The following GATA3 variants were observed in gnomAD, a reference collection of about 807,000 sequenced individuals.
GATA3 encodes GATA binding protein 3, also known as trans-acting T-cell-specific transcription factor GATA-3.
A neutral mutation model predicts 36.0 loss-of-function variants in GATA3; 6 were observed. The observed-to-expected ratio is 0.17, with a 90% CI of 0.09 to 0.33. The LOEUF is 0.33. GATA3 is among the 10% of genes least tolerant of loss of function. The pLI is 1.00. For synonymous variants in GATA3, 326 were observed against 273.0 expected (o/e 1.19, Z -1.92); for missense variants, 514 against 610.1 (o/e 0.84, Z 1.66).
chr10:8,073,705 T>TAAAAAA (rs373223232), intron 5 of GATA3, 34 bp from the exon 6 acceptor site: 13 of 1,409,614 alleles, frequency 9.2e-6, no homozygotes, highest in African/African-American at 2.0e-5. Context: ...AGCAAAAAAG[T>TAAAAAA]AAAAAAAAAA....
At chr10:8,064,183 T>A (rs1832795014) in intron 4 of GATA3, 45 bp downstream of exon 4, 1 of 1,612,806 alleles carries the variant, frequency 6.2e-7, no homozygotes, top group Non-Finnish European at 8.5e-7. Flanking sequence ...CCATTCTGGG[T>A]TTCTCATTTC....
chr10:8,057,707 G>A lies in GATA3; in HGVS notation c.242-598G>A, dbSNP rs530688482. On this transcript the variant is annotated intron_variant, in intron 2 of 5. Transcript: ENST00000379328. ...TGAGCAAGCACTGGGTTAGGTTTCC[G>A]GAAACTAACCCTGAAAGTCTCCTGA... 2.5e-4 allele frequency among the ~76,000 whole-genome samples: 38 copies of A among 152,244 alleles called. 1 individual carries two copies. Among genetic ancestry groups the A allele is most frequent in the African/African-American group, 8.7e-4 (36 of 41,546 alleles).
At chr10:8,048,637 G>T (rs1386216888), upstream of GATA3, among the ~76,000 whole-genome samples, 1 of 152,154 alleles carries the variant, frequency 6.6e-6, no homozygotes, top group Non-Finnish European at 1.5e-5. Flanking sequence ...AAGGCCAGGA[G>T]GGAGGGAGAG....
intron 4 of GATA3, 91 bp from the exon 5 acceptor site, chr10:8,069,382 C>CTTT: frequency 1.7e-5 from 18 of 1,058,112 alleles, no homozygotes; most frequent in African/African-American, 3.3e-5. Context: ...TTCTTCCTTC[C>CTTT]TTTTTTTTTT....
chr10:8,048,766 G>T (rs1231443592), upstream of GATA3, among the ~76,000 whole-genome samples: 1 of 152,220 alleles, frequency 6.6e-6, no homozygotes, highest in Non-Finnish European at 1.5e-5. Flanking sequence ...CGCCTCACGT[G>T]TGAGTTGTTA....
chr10:8,045,824 G>C (rs965499880), intron 1 of GATA3, among the ~76,000 whole-genome samples: 4 of 152,198 alleles, frequency 2.6e-5, no homozygotes, highest in Non-Finnish European at 5.9e-5. Context: ...AAGGGCCGGA[G>C]ACACGTTTCC....
intron 1 of GATA3, among the ~76,000 whole-genome samples, chr10:8,047,031 G>A (rs1832400168): frequency 6.6e-6 from 1 of 152,226 alleles, no homozygotes; most frequent in Admixed American, 6.5e-5. Context: ...CCAAAAGCAA[G>A]GAGATCTGGC....
Position 8,055,665 on chromosome 10 carries a change from A to G in GATA3, c.10A>G (p.Thr4Ala), listed in dbSNP as rs1274932119. Residue 4 changes from threonine (T) to alanine (A), a missense_variant, in exon 2 of 6, where the codon ACG (threonine) becomes GCG (alanine). By Grantham distance (58) the Thr-to-Ala change is moderately conservative. Around this residue, in one of 3 missense-constraint regions of GATA3, gnomAD observed 381 missense variants for 354.3 expected, o/e 1.08. Coordinates refer to ENST00000379328, the MANE Select transcript of GATA3 (RefSeq NM_001002295.2). The surrounding 1 kb of genome is among the most constrained non-coding windows in gnomAD (Gnocchi z 5.4). ...GAGCACAGCCGAGGCCATGGAGGTG[A>G]CGGCGGACCAGCCGCGCTGGGTGAG... MEV[T>A]ADQPRWVSHH... The G allele has an allele frequency of 1.9e-6, 3 of 1,556,300 alleles. No individual in the cohort carries two copies.
intron 1 of GATA3, among the ~76,000 whole-genome samples, chr10:8,046,890 A>C (rs1014274896): frequency 6.6e-6 from 1 of 152,064 alleles, no homozygotes; most frequent in African/African-American, 2.4e-5. Context: ...GCTGCCCCGT[A>C]AAGCCTTAAG....
At chr10:8,049,993 G>A (rs1832443005), upstream of GATA3, among the ~76,000 whole-genome samples, 1 of 152,170 alleles carries the variant, frequency 6.6e-6, no homozygotes, top group Non-Finnish European at 1.5e-5. Flanking sequence ...CGGCGGTCCC[G>A]CGGGCGCCCG....
chr10:8,055,945 C>G lies in GATA3; in HGVS notation c.241+49C>G. On this transcript the variant is annotated intron_variant, in intron 2 of 5. Transcript: ENST00000379328. The surrounding 1 kb of genome is among the most constrained non-coding windows in gnomAD (Gnocchi z 5.4). Reference sequence around the variant, plus strand: ...GCTCCCGCCGGCCGCTTCAGCCGTCCCGGCTCGGGGAGGTCGGGAGGGACC... The same window carrying G: ...GCTCCCGCCGGCCGCTTCAGCCGTCGCGGCTCGGGGAGGTCGGGAGGGACC... The G allele has an allele frequency of 6.5e-7, 1 of 1,549,314 alleles. No individual in the cohort carries two copies. Among genetic ancestry groups the G allele is most frequent in the Non-Finnish European group, 8.7e-7 (1 of 1,146,114 alleles).
chr10:8,047,264 G>T (rs777594953), intron 1 of GATA3, among the ~76,000 whole-genome samples: 2 of 152,196 alleles, frequency 1.3e-5, no homozygotes, highest in African/African-American at 4.8e-5. Flanking sequence ...CTCTTCTGGA[G>T]GTTAAAGCAG....
At chr10:8,067,527 C>CTAAAAATAT (rs1832861685) in intron 4 of GATA3, among the ~76,000 whole-genome samples, 2 of 152,060 alleles carry the variant, frequency 1.3e-5, no homozygotes, top group Non-Finnish European at 1.5e-5. Flanking sequence ...AAAACTGTAC[C>CTAAAAATAT]AGAATCCCAG....
chr10:8,066,213 C>T lies in GATA3; in HGVS notation c.924+2075C>T, dbSNP rs931899862. On this transcript the variant is annotated intron_variant, in intron 4 of 5. Coordinates refer to ENST00000379328, the MANE Select transcript of GATA3 (RefSeq NM_001002295.2). ...GTCTGGTCAGATTGCAGAGGAGGAT[C>T]GTAATTCCATTTTATGCAATTTTAT... Among the ~76,000 whole-genome samples, 4 of 151,948 alleles carry T rather than the reference C, an allele frequency of 2.6e-5. No homozygotes were observed. The South Asian group carries it at 6.2e-4, about 24-fold the overall frequency.
At chr10:8,046,326 G>A (rs1454478713) in intron 1 of GATA3, among the ~76,000 whole-genome samples, 2 of 152,218 alleles carry the variant, frequency 1.3e-5, no homozygotes, top group African/African-American at 2.4e-5. Context: ...GACACCAACA[G>A]GGTGCCTGAG....
At position 8,073,946 on chromosome 10, in the gene GATA3, C is replaced by T. The variant is rs748957422; in HGVS notation, c.1258C>T (p.Pro420Ser). ...CCACTCCAGCCACATGCTGACCACGCCCACGCCGATGCACCCGCCATCCAG... is the reference window on the plus strand; with the variant it reads ...CCACTCCAGCCACATGCTGACCACGTCCACGCCGATGCACCCGCCATCCAG... ...FSHSSHMLTT[P>S]TPMHPPSSLS... The change falls in exon 6 of 6, where the codon CCC becomes TCC. Residue 420 changes from proline (P) to serine (S), a missense_variant. Physicochemically the swap from Pro to Ser is moderately conservative, Grantham distance 74. Transcript: ENST00000379328. 8 of 1,614,152 alleles carry T rather than the reference C, an allele frequency of 5.0e-6. No individual in the cohort carries two copies. The highest frequency in any genetic ancestry group is 6.8e-6 in the Non-Finnish European group (8 of 1,180,026).
intron 4 of GATA3, among the ~76,000 whole-genome samples, chr10:8,068,077 A>G (rs1051539187): frequency 2.0e-5 from 3 of 152,028 alleles, no homozygotes; most frequent in Non-Finnish European, 4.4e-5. Flanking sequence ...AAGTGACCCA[A>G]CTCCATTTTC....
At position 8,058,613 on chromosome 10, in the gene GATA3, C is replaced by G; in HGVS notation, c.550C>G (p.Leu184Val). Residue 184 changes from leucine (L) to valine (V), a missense_variant, in exon 3 of 6, where the codon CTC becomes GTC. Physicochemically the swap from Leu to Val is conservative, Grantham distance 32 (BLOSUM62 1). Coordinates refer to ENST00000379328, the MANE Select transcript of GATA3 (RefSeq NM_001002295.2). ...GGCCCGGCAGGACGAGAAAGAGTGC[C>G]TCAAGTACCAGGTGCCCCTGCCCGA... ...GSARQDEKEC[L>V]KYQVPLPDSM... is the part of the protein sequence containing the mutation. 1.2e-6 allele frequency: 2 copies of G among 1,612,454 alleles called. No homozygotes were observed. Among genetic ancestry groups the G allele is most frequent in the Non-Finnish European group, 1.7e-6 (2 of 1,179,928 alleles).
chr10:8,066,430 TTTTCTTTC>T (rs10688455), intron 4 of GATA3, among the ~76,000 whole-genome samples: 78,012 of 148,354 alleles, frequency 0.53, 21,479 homozygotes, highest in Admixed American at 0.69. Context: ...TCAGATTTCT[TTTTCTTTC>T]TTTCTTTCTT....
Sources: gnomAD v4.1 joint callset for allele counts (sites outside exome capture counted in the v4.1 genomes callset) on GRCh38, gnomAD v4.1.1 for gene constraint, gnomAD v4.1.1 regional missense constraint, Gnocchi (gnomAD v3.1) non-coding constraint, MANE v1.5 for transcripts, NCBI Gene and HGNC (gene_info 2026-07-23, HGNC 2026-07-21) for gene names.